PRIM2: variants seen among roughly 807,000 people sequenced by gnomAD.
PRIM2 encodes DNA primase subunit 2.
In PRIM2, 39 loss-of-function variants were observed where a neutral mutation model predicts 67.3. That is an observed-to-expected ratio of 0.58 (90% CI 0.45 to 0.76). The LOEUF (loss-of-function observed/expected upper bound fraction) is 0.76. PRIM2 is among the 30% of genes least tolerant of loss of function. The pLI is 0.00. For missense variants in PRIM2, 398 were observed against 598.7 expected, an observed-to-expected ratio of 0.66 and a Z score of 3.50; for synonymous variants, 143 against 198.7, an observed-to-expected ratio of 0.72 and a Z score of 2.36.
chr6:57,227,683 C>G, the PRIM2 span, among the ~76,000 whole-genome samples: 2 of 150,388 alleles, frequency 1.3e-5, no homozygotes, highest in Non-Finnish European at 3.0e-5. Flanking sequence ...ATTCTTTTCT[C>G]AGTGCTCTCA....
At chr6:57,340,865 A>T (rs564060503) in intron 5 of PRIM2, among the ~76,000 whole-genome samples, 9 of 152,308 alleles carry the variant, frequency 5.9e-5, no homozygotes, top group South Asian at 4.1e-4. Flanking sequence ...ATAATAATTT[A>T]AAAAAATGGT....
intron 10 of PRIM2, among the ~76,000 whole-genome samples, chr6:57,576,147 A>T (rs1362165773): frequency 6.6e-6 from 1 of 152,026 alleles, no homozygotes; most frequent in Non-Finnish European, 1.5e-5. Flanking sequence ...TGTTCCCAAC[A>T]TGTTGGGAAG....
At position 57,506,660 on chromosome 6, in the gene PRIM2, C is replaced by A. The variant is rs1379996944; in HGVS notation, c.694-727C>A. 1.6e-3 allele frequency among the ~76,000 whole-genome samples: 246 copies of A among 151,942 alleles called. 1 individual carries two copies. Among genetic ancestry groups the A allele is most frequent in the African/African-American group, 5.7e-3 (235 of 41,492 alleles). ...ATGAATGTCTTTAATTTCCTTGTGT[C>A]AAATTCTTATAAAAAGGTATTCTCT... On this transcript the variant is annotated intron_variant, in intron 7 of 13. Coordinates refer to ENST00000615550, the MANE Select transcript of PRIM2 (RefSeq NM_000947.5).
At chr6:57,526,133 A>G (rs1774746858) in intron 8 of PRIM2, among the ~76,000 whole-genome samples, 1 of 152,134 alleles carries the variant, frequency 6.6e-6, no homozygotes, top group Non-Finnish European at 1.5e-5. Flanking sequence ...TTTTGCTGTT[A>G]CAGTGCAGTA....
the PRIM2 span, among the ~76,000 whole-genome samples, chr6:57,299,828 C>T: frequency 1.3e-5 from 2 of 152,122 alleles, no homozygotes; most frequent in Admixed American, 6.6e-5. Flanking sequence ...GTAGCAGAAC[C>T]TTGCTGGAAT....
intron 5 of PRIM2, among the ~76,000 whole-genome samples, chr6:57,378,000 A>G (rs1356340243): frequency 1.3e-5 from 2 of 151,956 alleles, no homozygotes; most frequent in Non-Finnish European, 2.9e-5. Flanking sequence ...AACCTTTTTA[A>G]TGAAAACCCA....
the PRIM2 span, among the ~76,000 whole-genome samples, chr6:57,258,887 C>T: frequency 7.9e-5 from 12 of 152,212 alleles, no homozygotes; most frequent in Admixed American, 3.9e-4. Flanking sequence ...GCCTCAAGGA[C>T]GGGAAAGCAA....
At chr6:57,522,287 T>C (rs1481562892) in intron 8 of PRIM2, among the ~76,000 whole-genome samples, 4 of 152,174 alleles carry the variant, frequency 2.6e-5, no homozygotes, top group East Asian at 1.9e-4. Flanking sequence ...GTGTAGCAAA[T>C]AGAAGTCAGG....
At chr6:57,386,148 G>A (rs1770138352) in intron 7 of PRIM2, among the ~76,000 whole-genome samples, 1 of 151,812 alleles carries the variant, frequency 6.6e-6, no homozygotes, top group East Asian at 1.9e-4. Context: ...TCCTTTGGGA[G>A]GAGGAGGTGG....
At chr6:57,293,309 T>G in the PRIM2 span, among the ~76,000 whole-genome samples, 2 of 152,188 alleles carry the variant, frequency 1.3e-5, no homozygotes, top group Admixed American at 6.5e-5. Flanking sequence ...CCTGTTAGAA[T>G]GGCAATCATG....
chr6:57,512,235 G>A (rs1370143296), intron 8 of PRIM2, among the ~76,000 whole-genome samples: 2 of 152,202 alleles, frequency 1.3e-5, no homozygotes, highest in Middle Eastern at 3.2e-3. Flanking sequence ...TCTTGGTAGA[G>A]CTTAATTCTG....
intron 7 of PRIM2, among the ~76,000 whole-genome samples, chr6:57,484,276 C>G (rs1201408132): frequency 6.6e-6 from 1 of 152,136 alleles, no homozygotes; most frequent in African/African-American, 2.4e-5. Flanking sequence ...GATTCTAAAG[C>G]CTGATGCAGG....
intron 10 of PRIM2, among the ~76,000 whole-genome samples, chr6:57,541,973 G>GTTT (rs1161553496): frequency 9.6e-5 from 11 of 114,736 alleles, no homozygotes; most frequent in Non-Finnish European, 1.7e-4. Context: ...TTGTGTTTTG[G>GTTT]TTTTTTTTTT....
At chr6:57,529,313 CA>C (rs1188542393) in intron 8 of PRIM2, among the ~76,000 whole-genome samples, 48 of 125,770 alleles carry the variant, frequency 3.8e-4, no homozygotes, top group Admixed American at 4.9e-4. Context: ...GACTCCGTCT[CA>C]AAAAAAAAAA....
the PRIM2 span, among the ~76,000 whole-genome samples, chr6:57,265,986 G>T: frequency 2.0e-5 from 3 of 152,204 alleles, no homozygotes; most frequent in African/African-American, 7.2e-5. Flanking sequence ...CAGACAGTTT[G>T]ATTTTTAAAC....
intron 10 of PRIM2, among the ~76,000 whole-genome samples, chr6:57,551,417 A>G (rs1388893254): frequency 3.3e-5 from 5 of 152,242 alleles, no homozygotes; most frequent in African/African-American, 9.6e-5. Context: ...AAGGAGACAC[A>G]AAAACTCAGA....
At chr6:57,581,636 T>C (rs1776085459) in intron 10 of PRIM2, among the ~76,000 whole-genome samples, 1 of 152,232 alleles carries the variant, frequency 6.6e-6, no homozygotes, top group African/African-American at 2.4e-5. Context: ...CCTGACCGTT[T>C]CCTCCAGGTT....
chr6:57,364,073 GTTT>G (rs72377931), intron 5 of PRIM2, among the ~76,000 whole-genome samples: 1 of 133,216 alleles, frequency 7.5e-6, no homozygotes. Flanking sequence ...TAATTTATTT[GTTT>G]TTTTTTTTTC....
intron 13 of PRIM2, among the ~76,000 whole-genome samples, chr6:57,634,557 T>G (rs1777089504): frequency 6.6e-6 from 1 of 152,278 alleles, no homozygotes; most frequent in Non-Finnish European, 1.5e-5. Flanking sequence ...AGTTTTAATT[T>G]CCTATTGTTC....
Sources: allele counts gnomAD v4.1 joint callset (sites outside exome capture counted in the v4.1 genomes callset), GRCh38; gene constraint gnomAD v4.1.1; transcripts MANE v1.5; gene names NCBI Gene and HGNC (gene_info 2026-07-23, HGNC 2026-07-21).